Variants in SUGCT observed in about 807,000 individuals in gnomAD.
SUGCT encodes the protein succinyl-CoA:glutarate CoA-transferase.
SUGCT carries 41 observed loss-of-function variants against 55.0 expected under a neutral mutation model. The observed-to-expected ratio is 0.74, with a 90% CI of 0.58 to 0.97. SUGCT has a LOEUF of 0.97. SUGCT is among the 50% of genes least tolerant of loss of function. SUGCT has a pLI of 0.00. For missense variants in SUGCT, 568 were observed against 547.8 expected, an observed-to-expected ratio of 1.04 and a Z score of -0.37; for synonymous variants, 187 against 200.4, an observed-to-expected ratio of 0.93 and a Z score of 0.56.
At chr7:40,292,382 G>T (rs1375777638) in intron 8 of SUGCT, among the ~76,000 whole-genome samples, 1 of 152,082 alleles carries the variant, frequency 6.6e-6, no homozygotes, top group African/African-American at 2.4e-5. Context: ...GTTATTTTCA[G>T]TTCAATCAGT....
chr7:40,314,338 G>T (rs994039932), intron 8 of SUGCT, among the ~76,000 whole-genome samples: 4 of 152,134 alleles, frequency 2.6e-5, no homozygotes, highest in Non-Finnish European at 5.9e-5. Context: ...TTTTGTGATT[G>T]ACTACTTGCA....
At chr7:40,683,529 G>A (rs1364316108) in intron 12 of SUGCT, among the ~76,000 whole-genome samples, 3 of 152,182 alleles carry the variant, frequency 2.0e-5, no homozygotes, top group Non-Finnish European at 4.4e-5. Flanking sequence ...AAGAAATTTG[G>A]TTGTTTGAAG....
At chr7:40,286,893 G>A (rs548029241) in intron 8 of SUGCT, among the ~76,000 whole-genome samples, 12 of 152,102 alleles carry the variant, frequency 7.9e-5, no homozygotes, top group African/African-American at 1.9e-4. Flanking sequence ...CTGTAGAGCC[G>A]GAGTTGACTA....
chr7:40,354,813 C>A (rs1056177281), intron 9 of SUGCT, among the ~76,000 whole-genome samples: 1 of 152,196 alleles, frequency 6.6e-6, no homozygotes, highest in Non-Finnish European at 1.5e-5. Flanking sequence ...AGGCTGGATA[C>A]ATAACAATAA....
Position 40,316,776 on chromosome 7 carries a change from A to G in SUGCT, c.737A>G (p.His246Arg). 1 of 1,598,772 alleles carries G rather than the reference A, an allele frequency of 6.3e-7. No individual in the cohort carries two copies. Among genetic ancestry groups the G allele is most frequent in the South Asian group, 1.1e-5 (1 of 88,186 alleles). Residue 246 changes from histidine (H) to arginine (R), a missense_variant, in exon 9 of 14, where the codon CAC (histidine) becomes CGC (arginine). Transcript: ENST00000335693. ...LLSSQVACLS[H>R]IAANYLIGQK... ...TCCTGGTAGGTGGCGTGTTTGTCTC[A>G]CATAGCTGCAAATTATCTTATTGGT...
At chr7:40,705,255 T>C (rs1408572446) in intron 12 of SUGCT, among the ~76,000 whole-genome samples, 1 of 152,194 alleles carries the variant, frequency 6.6e-6, no homozygotes, top group African/African-American at 2.4e-5. Flanking sequence ...AATGGTAATG[T>C]CTTACATAAT....
chr7:40,499,301 T>C (rs1324600888), intron 12 of SUGCT: 1 of 275,954 alleles, frequency 3.6e-6, no homozygotes, highest in African/African-American at 2.3e-5. Flanking sequence ...GCAGAAAAAT[T>C]TGAGTGCCTA....
At chr7:40,917,559 A>G in the SUGCT span, among the ~76,000 whole-genome samples, 1 of 152,200 alleles carries the variant, frequency 6.6e-6, no homozygotes, top group Non-Finnish European at 1.5e-5. Context: ...AGTTACAGAC[A>G]TACCCAGGAT....
intron 9 of SUGCT, among the ~76,000 whole-genome samples, chr7:40,412,355 A>G (rs1786743746): frequency 6.6e-6 from 1 of 152,244 alleles, no homozygotes. Flanking sequence ...AACTTTAACT[A>G]GGAACTAACA....
At chr7:40,723,339 AGTGG>A (rs1454373912) in intron 12 of SUGCT, among the ~76,000 whole-genome samples, 5 of 152,034 alleles carry the variant, frequency 3.3e-5, no homozygotes, top group Non-Finnish European at 5.9e-5. Flanking sequence ...TGGCTGTGGG[AGTGG>A]CTGCTTCTGT....
At chr7:40,954,649 C>T in the SUGCT span, among the ~76,000 whole-genome samples, 2 of 152,120 alleles carry the variant, frequency 1.3e-5, no homozygotes, top group African/African-American at 4.8e-5. Context: ...TAATTAGATC[C>T]CATTTGTCAA....
At chr7:40,191,014 A>C (rs1785869881) in intron 5 of SUGCT, among the ~76,000 whole-genome samples, 1 of 152,114 alleles carries the variant, frequency 6.6e-6, no homozygotes, top group Non-Finnish European at 1.5e-5. Context: ...TAGAGAACCA[A>C]GTCTCAAACT....
At chr7:40,436,907 A>T (rs1788208499) in intron 9 of SUGCT, among the ~76,000 whole-genome samples, 1 of 152,090 alleles carries the variant, frequency 6.6e-6, no homozygotes, top group Non-Finnish European at 1.5e-5. Context: ...TCTTGTCTAG[A>T]ATTTTTTTTG....
At chr7:40,542,599 G>T (rs140165538) in intron 12 of SUGCT, among the ~76,000 whole-genome samples, 7 of 152,268 alleles carry the variant, frequency 4.6e-5, no homozygotes, top group Admixed American at 4.6e-4. Flanking sequence ...TATAATAAAG[G>T]CCTTTTTGCT....
chr7:40,188,004 A>C, intron 3 of SUGCT, among the ~76,000 whole-genome samples: 1 of 152,054 alleles, frequency 6.6e-6, no homozygotes, highest in Non-Finnish European at 1.5e-5. Context: ...GTCTCTACTA[A>C]AAATACAAAA....
chr7:40,886,430 T>C, the SUGCT span, among the ~76,000 whole-genome samples: 1 of 152,156 alleles, frequency 6.6e-6, no homozygotes, highest in Non-Finnish European at 1.5e-5. Flanking sequence ...AGGGTATTCA[T>C]GAGTTGACAT....
intron 9 of SUGCT, among the ~76,000 whole-genome samples, chr7:40,371,903 A>G (rs1562723537): frequency 6.6e-6 from 1 of 151,892 alleles, no homozygotes; most frequent in African/African-American, 2.4e-5. Flanking sequence ...TAAGTAAACA[A>G]AAAGTATAAT....
intron 1 of SUGCT, among the ~76,000 whole-genome samples, chr7:40,171,132 A>T (rs1485167063): frequency 6.6e-6 from 1 of 152,220 alleles, no homozygotes; most frequent in Non-Finnish European, 1.5e-5. Flanking sequence ...CTTTGTAGGA[A>T]TGTGCCCTAA....
chr7:40,439,115 T>TAG (rs1249502218), intron 9 of SUGCT, among the ~76,000 whole-genome samples: 17 of 118,428 alleles, frequency 1.4e-4, no homozygotes, highest in East Asian at 5.6e-4. Context: ...TATATATGGA[T>TAG]AGAGAGAGAG....
Sources: gnomAD v4.1 joint callset for allele counts (sites outside exome capture counted in the v4.1 genomes callset) on GRCh38, gnomAD v4.1.1 for gene constraint, MANE v1.5 for transcripts, NCBI Gene and HGNC (gene_info 2026-07-23, HGNC 2026-07-21) for gene names.